Variants in THSD7A observed in about 807,000 individuals in gnomAD.
The protein encoded by THSD7A is thrombospondin type-1 domain-containing protein 7A.
THSD7A carries 96 observed loss-of-function variants against 231.3 expected under a neutral mutation model. The observed-to-expected ratio is 0.41, with a 90% confidence interval of 0.35 to 0.49. The LOEUF (loss-of-function observed/expected upper bound fraction) is 0.49. Ranked by LOEUF, THSD7A falls within the 20% of genes least tolerant of loss-of-function variation. The probability of loss-of-function intolerance (pLI) is 0.05; values close to 1 mark genes in which losing one functional copy is unlikely to be tolerated. For synonymous variants in THSD7A, 940 were observed against 743.3 expected (o/e 1.26, Z -4.30); for missense variants, 2,290 against 2,070.2 (o/e 1.11, Z -2.06).
intron 19 of THSD7A, among the ~76,000 whole-genome samples, chr7:11,407,936 T>G (rs1221881510): frequency 6.6e-6 from 1 of 152,156 alleles, no homozygotes; most frequent in Non-Finnish European, 1.5e-5. Context: ...CAGCTATCTT[T>G]TAAAAAAAGA....
chr7:11,424,730 T>A lies in THSD7A; in HGVS notation c.3349A>T (p.Asn1117Tyr). Residue 1117 changes from asparagine to tyrosine, a missense_variant, in exon 16 of 28, where the codon AAC (asparagine) becomes TAC (tyrosine). Asn to Tyr is a moderately radical substitution (Grantham distance 143). Transcript: ENST00000423059. ...CKVTFVNMRE[N>Y]CGEGVQTRKV... is the part of the protein sequence containing the mutation. ...CGGGTTTGCACGCCCTCTCCACAGTTCTCCCGCATATTCACAAAGGTCACC... is the reference window on the plus strand; with the variant it reads ...CGGGTTTGCACGCCCTCTCCACAGTACTCCCGCATATTCACAAAGGTCACC... The A allele has an allele frequency of 6.2e-7, 1 of 1,613,980 alleles. No individual in the cohort carries two copies. Among genetic ancestry groups the A allele is most frequent in the South Asian group, 1.1e-5 (1 of 91,082 alleles).
intron 1 of THSD7A, among the ~76,000 whole-genome samples, chr7:11,788,461 G>A (rs1187115927): frequency 6.6e-6 from 1 of 151,912 alleles, no homozygotes; most frequent in Non-Finnish European, 1.5e-5. Flanking sequence ...TTTGTTTCCT[G>A]AGAGCCTCTT....
chr7:11,484,650 A>G (rs1352877020), intron 6 of THSD7A, among the ~76,000 whole-genome samples: 1 of 152,132 alleles, frequency 6.6e-6, no homozygotes, highest in African/African-American at 2.4e-5. Flanking sequence ...ACACGTAGGA[A>G]GCACTAAATC....
intron 13 of THSD7A, among the ~76,000 whole-genome samples, chr7:11,441,441 A>G (rs1486811065): frequency 6.6e-6 from 1 of 152,020 alleles, no homozygotes; most frequent in Admixed American, 6.6e-5. Context: ...TGTTTAAAAT[A>G]TGAAGATTAA....
At chr7:11,401,757 T>C (rs1188458998) in intron 23 of THSD7A, 38 bp downstream of exon 23, 1 of 1,524,478 alleles carries the variant, frequency 6.6e-7, no homozygotes, top group Non-Finnish European at 8.8e-7. Context: ...AATCTTATGC[T>C]TTTGCTTAAG....
chr7:11,427,214 T>C (rs1036426334), intron 14 of THSD7A, among the ~76,000 whole-genome samples: 1 of 152,352 alleles, frequency 6.6e-6, no homozygotes, highest in African/African-American at 2.4e-5. Flanking sequence ...TAAACACCTA[T>C]GTGATTTACA....
At chr7:11,466,419 G>A (rs1365886376) in intron 9 of THSD7A, among the ~76,000 whole-genome samples, 5 of 152,076 alleles carry the variant, frequency 3.3e-5, no homozygotes, top group African/African-American at 1.2e-4. Flanking sequence ...CTAGCTTTCT[G>A]TAACACCATT....
intron 23 of THSD7A, among the ~76,000 whole-genome samples, chr7:11,387,759 G>A (rs767908640): frequency 2.7e-4 from 41 of 152,240 alleles, no homozygotes; most frequent in Admixed American, 1.3e-3. Context: ...AATAGGAGTC[G>A]TAAGAGAGGG....
chr7:11,769,153 A>ATATATATATAT, intron 1 of THSD7A, among the ~76,000 whole-genome samples: 28 of 27,648 alleles, frequency 1.0e-3, no homozygotes, highest in South Asian at 1.4e-3. Context: ...ATATATATAT[A>ATATATATATAT]TTTTTTTTTT....
At chr7:11,731,457 TTAAC>T (rs1453431675) in intron 1 of THSD7A, among the ~76,000 whole-genome samples, 1 of 151,676 alleles carries the variant, frequency 6.6e-6, no homozygotes, top group African/African-American at 2.4e-5. Context: ...ATTAAGGGCT[TTAAC>T]TACTTCCATA....
intron 1 of THSD7A, among the ~76,000 whole-genome samples, chr7:11,662,431 A>G (rs1782963172): frequency 6.6e-6 from 1 of 151,348 alleles, no homozygotes; most frequent in Non-Finnish European, 1.5e-5. Flanking sequence ...GATTTAGGAG[A>G]AATACAGAGA....
At chr7:11,661,534 A>T (rs1284802545) in intron 1 of THSD7A, among the ~76,000 whole-genome samples, 1 of 151,280 alleles carries the variant, frequency 6.6e-6, no homozygotes, top group Non-Finnish European at 1.5e-5. Context: ...AAAAGCAAAA[A>T]AAGTGTAAAA....
intron 1 of THSD7A, among the ~76,000 whole-genome samples, chr7:11,801,946 T>C (rs1023159054): frequency 1.3e-5 from 2 of 152,228 alleles, no homozygotes; most frequent in African/African-American, 4.8e-5. Context: ...TACTATTATT[T>C]TTTACAATGT....
chr7:11,452,639 A>G (rs1229469963), intron 11 of THSD7A, among the ~76,000 whole-genome samples: 1 of 151,972 alleles, frequency 6.6e-6, no homozygotes. Flanking sequence ...GGATCTGGGA[A>G]GGGTTAACTG....
At chr7:11,426,760 G>A (rs780160876) in intron 14 of THSD7A, 89 bp from the exon 15 acceptor site, 5 of 1,359,862 alleles carry the variant, frequency 3.7e-6, no homozygotes, top group Non-Finnish European at 5.0e-6. Flanking sequence ...CACATGGTAA[G>A]TTTCAAGTAT....
At chr7:11,820,677 TA>T in intron 1 of THSD7A, 1 of 837,782 alleles carries the variant, frequency 1.2e-6, no homozygotes, top group South Asian at 1.3e-5. Context: ...ACAAAGACTT[TA>T]GTCCCCAGTC....
intron 4 of THSD7A, among the ~76,000 whole-genome samples, chr7:11,546,202 G>GCGCGCGCGCGCACACACA (rs761841418): frequency 4.6e-5 from 6 of 129,372 alleles, no homozygotes; most frequent in South Asian, 2.3e-4. Flanking sequence ...GTGGGCGCGC[G>GCGCGCGCGCGCACACACA]CTCACACACA....
At chr7:11,423,510 A>G (rs1784221374) in intron 16 of THSD7A, among the ~76,000 whole-genome samples, 1 of 151,870 alleles carries the variant, frequency 6.6e-6, no homozygotes, top group Non-Finnish European at 1.5e-5. Flanking sequence ...CTGGGACTAC[A>G]GGTGCCCGCC....
chr7:11,500,451 A>G (rs1196548037), intron 6 of THSD7A, among the ~76,000 whole-genome samples: 1 of 152,134 alleles, frequency 6.6e-6, no homozygotes, highest in Non-Finnish European at 1.5e-5. Context: ...ATAGGGTCAA[A>G]TCCATACATA....
Sources: allele counts gnomAD v4.1 joint callset (sites outside exome capture counted in the v4.1 genomes callset), GRCh38; gene constraint gnomAD v4.1.1; transcripts MANE v1.5; gene names NCBI Gene and HGNC (gene_info 2026-07-23, HGNC 2026-07-21).